The following UGT2B11 variants were observed in gnomAD, a reference collection of about 807,000 sequenced individuals.
The protein encoded by UGT2B11 is UDP-glucuronosyltransferase 2B11.
Under a neutral mutation model 51.7 loss-of-function variants are expected in UGT2B11, and 49 were observed. The ratio of observed to expected loss-of-function variants is 0.95; its 90% confidence interval spans 0.75 to 1.20. UGT2B11 has a LOEUF of 1.20. Among genes scored for constraint, UGT2B11 ranks in the 50% most tolerant of loss-of-function variants. The probability of loss-of-function intolerance (pLI) is 0.00; values close to 1 mark genes in which losing one functional copy is unlikely to be tolerated. For missense variants in UGT2B11, 810 were observed against 622.1 expected (o/e 1.30, Z -3.21); for synonymous variants, 273 against 209.0 (o/e 1.31, Z -2.64).
intron 2 of UGT2B11, among the ~76,000 whole-genome samples, chr4:69,209,754 T>G (rs1450479818): frequency 4.6e-5 from 7 of 151,566 alleles, no homozygotes; most frequent in East Asian, 3.9e-4. Flanking sequence ...TGTAACTCGT[T>G]TTCAGTGTTT....
chr4:69,214,455 T>C lies in UGT2B11; in HGVS notation c.268A>G (p.Ile90Val), dbSNP rs529717524. 1.7e-4 allele frequency: 276 copies of C among 1,613,196 alleles called. 1 individual carries two copies. The highest frequency in any genetic ancestry group is 8.3e-4 in the Middle Eastern group (5 of 6,038). The change falls in exon 1 of 6, where the codon ATC (isoleucine) becomes GTC (valine). Residue 90 changes from isoleucine (I) to valine (V), a missense_variant. Ile to Val is a conservative substitution (Grantham distance 29, BLOSUM62 3). Coordinates refer to ENST00000446444, the MANE Select transcript of UGT2B11 (RefSeq NM_001073.3). ...SLTKTEFENIIMQQVKRWSDI... is the reference protein window; with the variant it reads ...SLTKTEFENIVMQQVKRWSDI... ...GACCATCTCTTAACCTGTTGCATGA[T>C]GATATTCTCAAATTCAGTTTTAGTT...
In UGT2B11 at chr4:69,204,720, A is replaced by T. The variant is rs1011899573; in HGVS notation, c.1091-71T>A. ...GAGATGCACAATGAAAGGTTCTGAA[A>T]GTGACAGTGTTTTCTAGATAACACA... On this transcript the variant is annotated intron_variant, in intron 4 of 5. Transcript: ENST00000446444. The T allele has an allele frequency of 1.2e-5, 19 of 1,606,022 alleles. No homozygotes were observed. The African/African-American group carries it at 2.2e-4, about 18-fold the overall frequency.
At chr4:69,219,566 G>T (rs890569434), upstream of UGT2B11, among the ~76,000 whole-genome samples, 6 of 152,092 alleles carry the variant, frequency 3.9e-5, no homozygotes, top group African/African-American at 7.2e-5. Flanking sequence ...AAGGAAAGAG[G>T]TTTAGTAGAT....
intron 3 of UGT2B11, among the ~76,000 whole-genome samples, chr4:69,208,063 A>G (rs1159677118): frequency 6.6e-6 from 1 of 151,598 alleles, no homozygotes; most frequent in African/African-American, 2.4e-5. Flanking sequence ...AAAAATAACC[A>G]TGAGTCTCAA....
At chr4:69,223,186 G>T in the UGT2B11 span, among the ~76,000 whole-genome samples, 1 of 152,220 alleles carries the variant, frequency 6.6e-6, no homozygotes, top group Admixed American at 6.5e-5. Context: ...TGGCCAGGCA[G>T]TGGTACAGAA....
At chr4:69,207,492 T>C (rs1396297877) in intron 3 of UGT2B11, among the ~76,000 whole-genome samples, 1 of 151,584 alleles carries the variant, frequency 6.6e-6, no homozygotes, top group African/African-American at 2.4e-5. Flanking sequence ...GGAGGGGACA[T>C]CTGAACCTGT....
At chr4:69,210,118 A>G (rs1722004171) in intron 2 of UGT2B11, among the ~76,000 whole-genome samples, 1 of 151,522 alleles carries the variant, frequency 6.6e-6, no homozygotes, top group Non-Finnish European at 1.5e-5. Flanking sequence ...TGTTATATTT[A>G]TCATTTTCCA....
intron 5 of UGT2B11, among the ~76,000 whole-genome samples, chr4:69,202,018 A>G (rs1465763461): frequency 6.6e-6 from 1 of 151,792 alleles, no homozygotes; most frequent in Non-Finnish European, 1.5e-5. Flanking sequence ...GATTAGCCTG[A>G]CTTCGAATAA....
At chr4:69,208,853 A>C (rs1721954988) in intron 2 of UGT2B11, among the ~76,000 whole-genome samples, 1 of 151,550 alleles carries the variant, frequency 6.6e-6, no homozygotes, top group African/African-American at 2.4e-5. Context: ...CTCGGCTTTA[A>C]TCCTATGTTT....
chr4:69,222,932 A>G, the UGT2B11 span, among the ~76,000 whole-genome samples: 18 of 152,270 alleles, frequency 1.2e-4, no homozygotes, highest in East Asian at 2.1e-3. Context: ...GAGTCAGTGC[A>G]GGAGGAGAGT....
the UGT2B11 span, among the ~76,000 whole-genome samples, chr4:69,224,487 T>A: frequency 6.6e-6 from 1 of 152,110 alleles, no homozygotes; most frequent in Admixed American, 6.5e-5. Context: ...CCGGTGTCTT[T>A]AGTCTCATGG....
At chr4:69,220,173 T>C in the UGT2B11 span, among the ~76,000 whole-genome samples, 2 of 152,238 alleles carry the variant, frequency 1.3e-5, no homozygotes, top group African/African-American at 4.8e-5. Context: ...CAGGGGACAG[T>C]CATTGCCAAA....
chr4:69,205,239 A>C (rs1389735792), intron 4 of UGT2B11, among the ~76,000 whole-genome samples: 2 of 151,742 alleles, frequency 1.3e-5, no homozygotes, highest in African/African-American at 4.8e-5. Flanking sequence ...AGATATTGAA[A>C]AATTCTGTGA....
At chr4:69,207,275 A>G (rs1351059255) in intron 3 of UGT2B11, among the ~76,000 whole-genome samples, 2 of 151,670 alleles carry the variant, frequency 1.3e-5, no homozygotes, top group African/African-American at 2.4e-5. Context: ...TTGAAACTCC[A>G]AAGCAATCCT....
At chr4:69,217,753 A>G (rs1331464143), upstream of UGT2B11, among the ~76,000 whole-genome samples, 2 of 152,122 alleles carry the variant, frequency 1.3e-5, no homozygotes, top group African/African-American at 4.8e-5. Context: ...ATGTCTCAGC[A>G]TGCTCAGGGT....
intron 5 of UGT2B11, among the ~76,000 whole-genome samples, chr4:69,202,495 T>C (rs1403335922): frequency 6.6e-6 from 1 of 151,696 alleles, no homozygotes; most frequent in Admixed American, 6.6e-5. Flanking sequence ...AGTCTTGATT[T>C]ATTGCCCACC....
upstream of UGT2B11, among the ~76,000 whole-genome samples, chr4:69,217,436 T>C (rs181822857): frequency 6.1e-4 from 93 of 152,256 alleles, no homozygotes; most frequent in African/African-American, 2.1e-3. Flanking sequence ...TGTTCAATAT[T>C]TTTAATGTCC....
At chr4:69,211,716 G>C (rs1013079108) in intron 2 of UGT2B11, among the ~76,000 whole-genome samples, 2 of 151,452 alleles carry the variant, frequency 1.3e-5, no homozygotes, top group African/African-American at 4.8e-5. Flanking sequence ...TCTGTTACCT[G>C]AATCCATGGA....
chr4:69,214,110 T>A lies in UGT2B11; in HGVS notation c.613A>T (p.Met205Leu), dbSNP rs769091237. Residue 205 changes from methionine to leucine, a missense_variant, in exon 1 of 6, where the codon ATG becomes TTG. By Grantham distance (15) the Met-to-Leu change is conservative (BLOSUM62 2). Coordinates refer to ENST00000446444, the MANE Select transcript of UGT2B11 (RefSeq NM_001073.3). Reference protein sequence around the residue: ...PIVMSKLSDQMTFMERVKNMI... With the variant: ...PIVMSKLSDQLTFMERVKNMI... ...TTTTTTACCCTCTCCATGAAAGTCA[T>A]TTGATCACTTAATTTTGACATAACA... 1 of 1,612,286 alleles carries A rather than the reference T, an allele frequency of 6.2e-7. No individual in the cohort carries two copies. Among genetic ancestry groups the A allele is most frequent in the South Asian group, 1.1e-5 (1 of 90,946 alleles).
Sources: allele counts gnomAD v4.1 joint callset (sites outside exome capture counted in the v4.1 genomes callset), GRCh38; gene constraint gnomAD v4.1.1; transcripts MANE v1.5; gene names NCBI Gene and HGNC (gene_info 2026-07-23, HGNC 2026-07-21).